MED13L: variants seen among roughly 807,000 people sequenced by gnomAD.
The protein encoded by MED13L is mediator complex subunit 13L.
In MED13L, 7 loss-of-function variants were observed where a neutral mutation model predicts 220.9. The observed-to-expected ratio is 0.03, with a 90% CI of 0.02 to 0.06. The LOEUF is 0.06. Ranked by LOEUF, MED13L falls within the 10% of genes least tolerant of loss-of-function variation. The pLI is 1.00. For missense variants in MED13L, 1,965 were observed against 2,760.5 expected (o/e 0.71, Z 6.46); for synonymous variants, 1,011 against 1,015.2 (o/e 1.00, Z 0.08).
chr12:116,176,177 A>G (rs958709815), intron 2 of MED13L, among the ~76,000 whole-genome samples: 2 of 152,152 alleles, frequency 1.3e-5, no homozygotes, highest in Non-Finnish European at 2.9e-5. Flanking sequence ...TCTACCACTT[A>G]ACCTGTGTGA....
At chr12:116,042,396 G>A (rs566791148) in intron 4 of MED13L, among the ~76,000 whole-genome samples, 1 of 152,190 alleles carries the variant, frequency 6.6e-6, no homozygotes, top group South Asian at 2.1e-4. Context: ...TCTGTATCTT[G>A]ATTCTCAGAT....
chr12:115,969,726 G>A (rs1055033938), intron 27 of MED13L, among the ~76,000 whole-genome samples: 8 of 151,972 alleles, frequency 5.3e-5, no homozygotes, highest in South Asian at 2.1e-4. Flanking sequence ...GTTTCACCAC[G>A]TTGGCCAGGC....
intron 4 of MED13L, among the ~76,000 whole-genome samples, chr12:116,047,984 T>C (rs1881938073): frequency 6.6e-6 from 1 of 151,958 alleles, no homozygotes; most frequent in Non-Finnish European, 1.5e-5. Flanking sequence ...CATGTAGTGT[T>C]GGGAAAAATC....
chr12:116,232,394 G>A (rs1030097927), intron 2 of MED13L, among the ~76,000 whole-genome samples: 2 of 152,000 alleles, frequency 1.3e-5, no homozygotes, highest in African/African-American at 4.8e-5. Flanking sequence ...AAATATTTGT[G>A]GTAGAAAATA....
chr12:116,051,856 A>G (rs2137588627), intron 4 of MED13L, among the ~76,000 whole-genome samples: 1 of 152,236 alleles, frequency 6.6e-6, no homozygotes, highest in East Asian at 1.9e-4. Flanking sequence ...CAGATTTTGG[A>G]CTGAACAGAG....
intron 4 of MED13L, among the ~76,000 whole-genome samples, chr12:116,060,048 A>AT (rs1869309392): frequency 6.6e-6 from 1 of 152,118 alleles, no homozygotes; most frequent in Non-Finnish European, 1.5e-5. Flanking sequence ...CTCTAATACT[A>AT]GAGGTGCAGT....
At chr12:116,137,180 T>C (rs1214205438) in intron 2 of MED13L, among the ~76,000 whole-genome samples, 2 of 152,122 alleles carry the variant, frequency 1.3e-5, no homozygotes, top group South Asian at 2.1e-4. Context: ...CTGCTTGACA[T>C]TGTTCGCTAT....
intron 9 of MED13L, among the ~76,000 whole-genome samples, chr12:116,012,372 T>C (rs1423190876): frequency 6.6e-6 from 1 of 152,226 alleles, no homozygotes; most frequent in Non-Finnish European, 1.5e-5. Flanking sequence ...ACCAAATACC[T>C]GTCTCGATCA....
chr12:116,223,121 G>C (rs1426081265), intron 2 of MED13L, among the ~76,000 whole-genome samples: 1 of 152,014 alleles, frequency 6.6e-6, no homozygotes, highest in Non-Finnish European at 1.5e-5. Flanking sequence ...CTCCAGTGTT[G>C]GACTGGAAAT....
intron 16 of MED13L, among the ~76,000 whole-genome samples, chr12:115,994,206 G>C (rs1878253623): frequency 6.6e-6 from 1 of 152,100 alleles, no homozygotes. Flanking sequence ...AACACTTTAG[G>C]AGGCCGAGGC....
At chr12:116,049,727 G>A (rs1555253955) in intron 4 of MED13L, among the ~76,000 whole-genome samples, 2 of 152,152 alleles carry the variant, frequency 1.3e-5, no homozygotes, top group South Asian at 4.1e-4. Flanking sequence ...AACAATTTAG[G>A]AAGGTGGACA....
intron 2 of MED13L, among the ~76,000 whole-genome samples, chr12:116,145,701 A>ATTTGTTTAT (rs1028326697): frequency 7.4e-6 from 1 of 134,932 alleles, no homozygotes; most frequent in South Asian, 2.3e-4. Context: ...TTATTTATTT[A>ATTTGTTTAT]TTTTAAATTT....
At chr12:116,041,321 A>G (rs1202252823) in intron 4 of MED13L, among the ~76,000 whole-genome samples, 1 of 152,130 alleles carries the variant, frequency 6.6e-6, no homozygotes, top group African/African-American at 2.4e-5. Flanking sequence ...GCCTTCTACC[A>G]CGATTGTAAG....
chr12:116,213,654 C>A (rs533858367), intron 2 of MED13L, among the ~76,000 whole-genome samples: 1 of 152,308 alleles, frequency 6.6e-6, no homozygotes, highest in South Asian at 2.1e-4. Context: ...CTCAGGTGAT[C>A]CACCCACCTC....
intron 17 of MED13L, among the ~76,000 whole-genome samples, chr12:115,988,074 T>C (rs1487996526): frequency 6.6e-6 from 1 of 152,168 alleles, no homozygotes; most frequent in African/African-American, 2.4e-5. Flanking sequence ...GGAGGTGATG[T>C]GGTGTGAATC....
intron 13 of MED13L, among the ~76,000 whole-genome samples, chr12:116,004,395 G>T (rs1055340608): frequency 1.3e-5 from 2 of 151,898 alleles, no homozygotes. Flanking sequence ...CCTTCATGTG[G>T]CCACTGTATA....
intron 25 of MED13L, among the ~76,000 whole-genome samples, chr12:115,973,443 A>G (rs190019993): frequency 6.6e-6 from 1 of 152,194 alleles, no homozygotes; most frequent in Non-Finnish European, 1.5e-5. Flanking sequence ...TTTTCTTTCA[A>G]TCTTTTGATG....
intron 2 of MED13L, among the ~76,000 whole-genome samples, chr12:116,125,656 G>A: frequency 6.6e-6 from 1 of 152,108 alleles, no homozygotes. Context: ...CCCAATCCAT[G>A]TCTCTCTTAT....
intron 1 of MED13L, chr12:116,276,831 G>A (rs1873890601): frequency 1.8e-6 from 2 of 1,081,230 alleles, no homozygotes; most frequent in Admixed American, 5.7e-5. Flanking sequence ...ATTCCACGCC[G>A]AGCGCCGCGC....
Sources: allele counts gnomAD v4.1 joint callset (sites outside exome capture counted in the v4.1 genomes callset), GRCh38; gene constraint gnomAD v4.1.1; transcripts MANE v1.5; gene names NCBI Gene and HGNC (gene_info 2026-07-23, HGNC 2026-07-21).